The following BABAM2 variants were observed in gnomAD, a reference collection of about 807,000 sequenced individuals.
BABAM2 encodes the protein BRISC and BRCA1 A complex member 2, also known as BRISC and BRCA1-A complex member 2.
BABAM2 carries 31 observed loss-of-function variants against 54.7 expected under a neutral mutation model. The observed-to-expected ratio is 0.57, with a 90% CI of 0.43 to 0.77. The LOEUF is 0.77. BABAM2 is among the 30% of genes least tolerant of loss of function. BABAM2 has a pLI of 0.00. For synonymous variants in BABAM2, 167 were observed against 162.9 expected (o/e 1.03, Z -0.19); for missense variants, 364 against 455.8 (o/e 0.80, Z 1.83).
intron 6 of BABAM2, among the ~76,000 whole-genome samples, chr2:28,125,405 T>C (rs1669434799): frequency 6.6e-6 from 1 of 152,140 alleles, no homozygotes; most frequent in Non-Finnish European, 1.5e-5. Flanking sequence ...GCAATTCTCC[T>C]GCCTCAGCCT....
At chr2:28,320,183 G>A (rs1161227517) in intron 11 of BABAM2, among the ~76,000 whole-genome samples, 1 of 152,254 alleles carries the variant, frequency 6.6e-6, no homozygotes, top group Non-Finnish European at 1.5e-5. Flanking sequence ...TCAGAGGCTA[G>A]AGGAGTGGGA....
At chr2:27,894,437 C>A in intron 1 of BABAM2, 96 bp from the exon 2 acceptor site, 1 of 1,179,372 alleles carries the variant, frequency 8.5e-7, no homozygotes, top group Non-Finnish European at 1.2e-6. Context: ...TTTATTCATG[C>A]AAGAGGAACT....
intron 11 of BABAM2, among the ~76,000 whole-genome samples, chr2:28,315,453 T>G (rs1689463309): frequency 1.4e-5 from 2 of 143,012 alleles, no homozygotes; most frequent in Admixed American, 1.4e-4. Context: ...TTTCTTTTCT[T>G]TTCTTTTCTT....
At chr2:28,157,634 G>A (rs975647738) in intron 7 of BABAM2, among the ~76,000 whole-genome samples, 1 of 152,122 alleles carries the variant, frequency 6.6e-6, no homozygotes, top group African/African-American at 2.4e-5. Flanking sequence ...TTGAGATGGA[G>A]TCTCTCTCTG....
chr2:28,279,017 TAAA>T (rs1160988913), intron 10 of BABAM2, among the ~76,000 whole-genome samples: 2 of 152,164 alleles, frequency 1.3e-5, no homozygotes, highest in African/African-American at 2.4e-5. Flanking sequence ...TTTGGGGAAT[TAAA>T]AGAAGAGTAA....
chr2:28,062,449 G>C (rs1678960014), intron 6 of BABAM2, among the ~76,000 whole-genome samples: 1 of 151,314 alleles, frequency 6.6e-6, no homozygotes, highest in African/African-American at 2.4e-5. Flanking sequence ...TGTAGTCCCA[G>C]CTACTTGGGA....
At chr2:28,078,819 C>A (rs1353333848) in intron 6 of BABAM2, among the ~76,000 whole-genome samples, 1 of 152,142 alleles carries the variant, frequency 6.6e-6, no homozygotes, top group Non-Finnish European at 1.5e-5. Context: ...TGAGGTGGAA[C>A]TATAAACTTG....
intron 7 of BABAM2, among the ~76,000 whole-genome samples, chr2:28,154,964 C>G (rs1180802267): frequency 2.6e-5 from 4 of 152,092 alleles, no homozygotes; most frequent in African/African-American, 7.2e-5. Flanking sequence ...CGTGCTATTC[C>G]TACCTTTTAA....
chr2:27,922,773 T>C (rs1414059737), intron 2 of BABAM2, among the ~76,000 whole-genome samples: 1 of 152,176 alleles, frequency 6.6e-6, no homozygotes, highest in East Asian at 1.9e-4. Flanking sequence ...GAAATATAGT[T>C]GAGAGACAAA....
chr2:28,046,316 CG>C (rs1677566807), intron 6 of BABAM2, among the ~76,000 whole-genome samples: 2 of 152,122 alleles, frequency 1.3e-5, no homozygotes, highest in African/African-American at 4.8e-5. Context: ...AAATATTAGC[CG>C]GGCATGGTGG....
chr2:28,037,269 G>A (rs56033713), intron 5 of BABAM2, among the ~76,000 whole-genome samples: 4,732 of 152,020 alleles, frequency 0.031, 104 homozygotes, highest in South Asian at 0.1. Flanking sequence ...ACATATATAA[G>A]CAAATACTAA....
intron 11 of BABAM2, among the ~76,000 whole-genome samples, chr2:28,315,423 TTTCTTTTCTTTTCTTTTCTTTTC>T (rs1433134795): frequency 3.7e-4 from 5 of 13,624 alleles, no homozygotes; most frequent in African/African-American, 1.2e-3. Context: ...GTGGTTCTTT[TTTCTTTTCTTTTCTTTTCTTTTC>T]TTTTCTTTTC....
Position 28,240,883 on chromosome 2 carries a change from A to C in BABAM2, c.781-440A>C, listed in dbSNP as rs982412447. Among the ~76,000 whole-genome samples the C allele has an allele frequency of 2.4e-4, 36 of 151,812 alleles. 1 individual carries two copies. Among genetic ancestry groups the C allele is most frequent in the African/African-American group, 6.3e-4 (26 of 41,466 alleles). On this transcript the variant is annotated intron_variant, in intron 8 of 11. Transcript: ENST00000379624. ...GAGACTCTGTCTCAAAAAAAAAAAA[A>C]AACAAAAAAAACCCATTTATTTTAA...
rs1219754800 is a variant in BABAM2, at chr2:28,329,273, G to A, written c.1089-9177G>A. ...AAACTGTCTATGGCACTTTTTGCTC[G>A]GGGCTCTGCAGCGTTCACTAACCCT... On this transcript the variant is annotated intron_variant, in intron 11 of 11. Transcript: ENST00000379624. This position sits in a 1 kb window ranked among gnomAD's most constrained non-coding sequence, Gnocchi z 4.2. Among the ~76,000 whole-genome samples the A allele has an allele frequency of 6.6e-6, 1 of 152,118 alleles. No homozygotes were observed. Among genetic ancestry groups the A allele is most frequent in the African/African-American group, 2.4e-5 (1 of 41,414 alleles).
At chr2:27,998,503 G>A (rs1442980785) in intron 4 of BABAM2, among the ~76,000 whole-genome samples, 1 of 151,634 alleles carries the variant, frequency 6.6e-6, no homozygotes, top group Non-Finnish European at 1.5e-5. Context: ...ATTATCATAA[G>A]CATTTTTCCT....
At chr2:27,924,391 T>C (rs1172607584) in intron 2 of BABAM2, among the ~76,000 whole-genome samples, 1 of 151,532 alleles carries the variant, frequency 6.6e-6, no homozygotes. Flanking sequence ...AAACCCATGC[T>C]CTTTTTTTTT....
intron 7 of BABAM2, among the ~76,000 whole-genome samples, chr2:28,209,706 G>GT (rs2147982785): frequency 6.6e-6 from 1 of 152,266 alleles, no homozygotes; most frequent in East Asian, 1.9e-4. Flanking sequence ...GCTGAAGACT[G>GT]TATGTTTTTT....
chr2:28,273,748 G>A (rs372893135), intron 10 of BABAM2, among the ~76,000 whole-genome samples: 1 of 151,952 alleles, frequency 6.6e-6, no homozygotes, highest in Non-Finnish European at 1.5e-5. Flanking sequence ...CAGCTTCATG[G>A]GTAAATCTGA....
chr2:27,953,644 C>CA lies in BABAM2; in HGVS notation c.205+23750dup, dbSNP rs751089037. On this transcript the variant is annotated intron_variant, in intron 3 of 11. Coordinates refer to ENST00000379624, the MANE Select transcript of BABAM2 (RefSeq NM_199191.3). The stretch of plus-strand genomic sequence containing the variant: ...TTAATATCATTACCAACGATCTCAC[C>CA]AAAAAAAAAAAAAATATTTCTTTTT... 3.9e-3 allele frequency among the ~76,000 whole-genome samples: 529 copies of CA among 136,772 alleles called. 4 individuals are homozygous for CA. The highest frequency in any genetic ancestry group is 0.011 in the Middle Eastern group (3 of 262). 89.7% of individuals were successfully genotyped at this position (136,772 alleles called of 152,430 possible).
Sources: allele counts gnomAD v4.1 joint callset (sites outside exome capture counted in the v4.1 genomes callset), GRCh38; gene constraint gnomAD v4.1.1; non-coding constraint Gnocchi (gnomAD v3.1); transcripts MANE v1.5; gene names NCBI Gene and HGNC (gene_info 2026-07-23, HGNC 2026-07-21).